Variants in CHRNA7 observed in about 807,000 individuals in gnomAD.
CHRNA7 encodes the protein cholinergic receptor nicotinic alpha 7 subunit.
A neutral mutation model predicts 48.0 loss-of-function variants in CHRNA7; 17 were observed. The ratio of observed to expected loss-of-function variants is 0.35; its 90% CI spans 0.24 to 0.53. The LOEUF is 0.53. Among genes scored for constraint, CHRNA7 ranks in the 20% least tolerant of loss-of-function variants. CHRNA7 has a pLI of 0.92. For synonymous variants in CHRNA7, 75 were observed against 242.3 expected (o/e 0.31, Z 6.41); for missense variants, 155 against 577.7 (o/e 0.27, Z 7.50).
chr15:32,034,731 A>AT (rs1902002182), intron 2 of CHRNA7, among the ~76,000 whole-genome samples: 1 of 152,182 alleles, frequency 6.6e-6, no homozygotes, highest in Admixed American at 6.5e-5. Context: ...TAAATTATAG[A>AT]TTGGAGTGAA....
At chr15:32,093,292 C>T (rs2050412400) in intron 2 of CHRNA7, among the ~76,000 whole-genome samples, 1 of 152,208 alleles carries the variant, frequency 6.6e-6, no homozygotes, top group South Asian at 2.1e-4. Context: ...ACCTTCCAGG[C>T]TTCATTCCCC....
At chr15:32,046,422 A>G (rs1468719258) in intron 2 of CHRNA7, among the ~76,000 whole-genome samples, 3 of 147,972 alleles carry the variant, frequency 2.0e-5, no homozygotes, top group Non-Finnish European at 4.4e-5. Flanking sequence ...ATGGCCAGTG[A>G]TGATGAGCCT....
At chr15:32,142,036 G>A (rs4281464) in intron 4 of CHRNA7, among the ~76,000 whole-genome samples, 62,700 of 151,968 alleles carry the variant, frequency 0.41, 13,294 homozygotes, top group African/African-American at 0.52. Flanking sequence ...GGACTATTCA[G>A]TATGATATTG....
intron 2 of CHRNA7, among the ~76,000 whole-genome samples, chr15:32,060,636 A>T (rs2049864496): frequency 6.6e-6 from 1 of 152,224 alleles, no homozygotes; most frequent in Non-Finnish European, 1.5e-5. Flanking sequence ...CCATGTTGTG[A>T]ATTGGACATT....
chr15:32,093,785 AT>A (rs1283040742), intron 2 of CHRNA7, among the ~76,000 whole-genome samples: 1 of 152,202 alleles, frequency 6.6e-6, no homozygotes, highest in Non-Finnish European at 1.5e-5. Flanking sequence ...AGGAAAAAAA[AT>A]ATGTATATAA....
intron 2 of CHRNA7, among the ~76,000 whole-genome samples, chr15:32,041,058 T>C (rs2049439782): frequency 6.6e-6 from 1 of 152,252 alleles, no homozygotes; most frequent in South Asian, 2.1e-4. Context: ...AAGGGTTTTT[T>C]GTCTGCCTTT....
At chr15:32,094,770 C>T (rs543950269) in intron 2 of CHRNA7, among the ~76,000 whole-genome samples, 1 of 152,204 alleles carries the variant, frequency 6.6e-6, no homozygotes, top group African/African-American at 2.4e-5. Context: ...GTGCCATTCT[C>T]CTGCCTCAGC....
chr15:32,095,552 T>C (rs1036399104), intron 2 of CHRNA7, among the ~76,000 whole-genome samples: 3 of 152,198 alleles, frequency 2.0e-5, no homozygotes, highest in African/African-American at 7.2e-5. Flanking sequence ...GCAAATCTCC[T>C]TAATGCCTCA....
Position 32,149,884 on chromosome 15 carries a change from T to TC in CHRNA7, c.351-4022dup, listed in dbSNP as rs1190451248. Reference sequence around the variant, plus strand: ...AAGGCTTGTAGGAACTTTTTTTTTTTCAGAGTTGAATCACTGATCTAACAG... The same window carrying TC: ...AAGGCTTGTAGGAACTTTTTTTTTTTCCAGAGTTGAATCACTGATCTAACAG... On this transcript the variant is annotated intron_variant, in intron 4 of 9. Coordinates refer to ENST00000306901, the MANE Select transcript of CHRNA7 (RefSeq NM_000746.6). This position sits in a 1 kb window ranked among gnomAD's most constrained non-coding sequence, Gnocchi z 4.6. 2.6e-5 allele frequency among the ~76,000 whole-genome samples: 4 copies of TC among 151,974 alleles called. No individual in the cohort carries two copies. The highest frequency in any genetic ancestry group is 5.9e-5 in the Non-Finnish European group (4 of 68,000).
At chr15:32,075,213 A>G (rs1447560673) in intron 2 of CHRNA7, among the ~76,000 whole-genome samples, 1 of 152,148 alleles carries the variant, frequency 6.6e-6, no homozygotes, top group East Asian at 1.9e-4. Context: ...GCAGGGTAAT[A>G]CTGGCTTAAT....
At chr15:32,035,900 G>A (rs7167551) in intron 2 of CHRNA7, among the ~76,000 whole-genome samples, 12,794 of 152,100 alleles carry the variant, frequency 0.084, 718 homozygotes, top group African/African-American at 0.14. Context: ...TATTTGTTAC[G>A]ACTGATGAAC....
intron 2 of CHRNA7, 92 bp downstream of exon 2, chr15:32,031,129 C>T (rs1361453592): frequency 6.0e-6 from 9 of 1,505,844 alleles, no homozygotes; most frequent in East Asian, 2.3e-5. Flanking sequence ...CGGTGGAGCT[C>T]GGCTGGGGCA....
At chr15:32,148,076 T>G (rs143120736) in intron 4 of CHRNA7, among the ~76,000 whole-genome samples, 159 of 152,312 alleles carry the variant, frequency 1.0e-3, no homozygotes, top group African/African-American at 3.6e-3. Flanking sequence ...CTCTCAGTCT[T>G]TCAAGGTTGC....
chr15:32,083,034 A>T (rs2050240423), intron 2 of CHRNA7, among the ~76,000 whole-genome samples: 2 of 152,136 alleles, frequency 1.3e-5, no homozygotes, highest in Non-Finnish European at 2.9e-5. Context: ...TACTTGGGAG[A>T]ATCTTTCATG....
intron 2 of CHRNA7, among the ~76,000 whole-genome samples, chr15:32,066,583 T>C (rs2049970947): frequency 1.3e-5 from 2 of 152,324 alleles, no homozygotes; most frequent in East Asian, 3.9e-4. Context: ...CCCAGCCACA[T>C]TGTAGTATTT....
intron 4 of CHRNA7, among the ~76,000 whole-genome samples, chr15:32,146,874 A>G (rs1332699573): frequency 6.6e-6 from 1 of 152,236 alleles, no homozygotes; most frequent in Non-Finnish European, 1.5e-5. Context: ...AAGGATCAGT[A>G]ATGAGCAAGA....
chr15:32,075,496 A>G (rs2050123446), intron 2 of CHRNA7, among the ~76,000 whole-genome samples: 1 of 152,118 alleles, frequency 6.6e-6, no homozygotes, highest in South Asian at 2.1e-4. Flanking sequence ...AAAATTCTTC[A>G]TAGTACTTTC....
intron 2 of CHRNA7, among the ~76,000 whole-genome samples, chr15:32,080,994 T>C (rs957947549): frequency 1.3e-5 from 2 of 152,148 alleles, no homozygotes; most frequent in Admixed American, 1.3e-4. Flanking sequence ...TACAGGTACA[T>C]GGATGAAGCT....
chr15:32,096,488 T>TA (rs1356580790), intron 2 of CHRNA7, among the ~76,000 whole-genome samples: 1 of 152,176 alleles, frequency 6.6e-6, no homozygotes, highest in Non-Finnish European at 1.5e-5. Context: ...TTAAATTAGA[T>TA]AAAAGAAGTC....
Sources: allele counts gnomAD v4.1 joint callset (sites outside exome capture counted in the v4.1 genomes callset), GRCh38; gene constraint gnomAD v4.1.1; non-coding constraint Gnocchi (gnomAD v3.1); transcripts MANE v1.5; gene names NCBI Gene and HGNC (gene_info 2026-07-23, HGNC 2026-07-21).